Variants in TRDN observed in about 807,000 individuals in gnomAD.
TRDN encodes triadin in skeletal muscle.
TRDN carries 161 observed loss-of-function variants against 149.7 expected under a neutral mutation model. The observed-to-expected ratio is 1.08, with a 90% confidence interval of 0.95 to 1.23. The LOEUF is 1.23. Ranked by LOEUF, TRDN falls within the 50% of genes most tolerant of loss-of-function variation. The pLI is 0.00. For missense variants in TRDN, 896 were observed against 823.5 expected, an observed-to-expected ratio of 1.09 and a Z score of -1.08; for synonymous variants, 294 against 250.5, an observed-to-expected ratio of 1.17 and a Z score of -1.64.
chr6:123,585,261 C>T (rs562007329), intron 1 of TRDN, among the ~76,000 whole-genome samples: 5 of 151,634 alleles, frequency 3.3e-5, no homozygotes, highest in African/African-American at 7.3e-5. Flanking sequence ...TAAAGTGTCT[C>T]GGCCTAATAG....
intron 22 of TRDN, among the ~76,000 whole-genome samples, chr6:123,334,074 T>C (rs559930066): frequency 6.6e-6 from 1 of 152,048 alleles, no homozygotes; most frequent in Non-Finnish European, 1.5e-5. Context: ...TTAGTATCCA[T>C]GATGAAGTAC....
intron 9 of TRDN, chr6:123,469,699 G>C (rs1777041478): frequency 6.5e-6 from 1 of 152,770 alleles, no homozygotes. Flanking sequence ...CAGTGTGAAA[G>C]AGGCCTGGAT....
chr6:123,558,386 C>G (rs1165116785), intron 2 of TRDN, among the ~76,000 whole-genome samples: 3 of 152,122 alleles, frequency 2.0e-5, no homozygotes, highest in African/African-American at 7.2e-5. Context: ...CACACCCGGT[C>G]CGGCTTACAG....
intron 1 of TRDN, among the ~76,000 whole-genome samples, chr6:123,626,201 G>C (rs1449065104): frequency 6.6e-6 from 1 of 152,040 alleles, no homozygotes; most frequent in Non-Finnish European, 1.5e-5. Context: ...CACCTCCTAG[G>C]CCAGGCATGG....
intron 21 of TRDN, among the ~76,000 whole-genome samples, chr6:123,347,007 A>C (rs959888072): frequency 6.6e-6 from 1 of 151,992 alleles, no homozygotes; most frequent in South Asian, 2.1e-4. Context: ...AAACATAAGA[A>C]TACCATGGAG....
chr6:123,476,261 A>C (rs1324909471), intron 9 of TRDN, among the ~76,000 whole-genome samples: 2 of 35,016 alleles, frequency 5.7e-5, no homozygotes, highest in Admixed American at 3.1e-4. Context: ...CTTATACACC[A>C]ACAACAGACA....
At chr6:123,602,347 T>C (rs1157647091) in intron 1 of TRDN, among the ~76,000 whole-genome samples, 1 of 152,046 alleles carries the variant, frequency 6.6e-6, no homozygotes, top group Middle Eastern at 3.2e-3. Flanking sequence ...AAATATCATA[T>C]GTTCTCACTT....
intron 19 of TRDN, among the ~76,000 whole-genome samples, chr6:123,367,866 C>A (rs1781175456): frequency 6.6e-6 from 1 of 152,190 alleles, no homozygotes; most frequent in Non-Finnish European, 1.5e-5. Context: ...ACTATTCCTA[C>A]TGTGAGTCCC....
chr6:123,376,886 C>G (rs530477339), intron 18 of TRDN, among the ~76,000 whole-genome samples: 3 of 150,878 alleles, frequency 2.0e-5, no homozygotes, highest in African/African-American at 7.3e-5. Flanking sequence ...ATCACCCATA[C>G]ACACACACAC....
chr6:123,296,930 T>C (rs960995075), intron 24 of TRDN, among the ~76,000 whole-genome samples: 2 of 152,084 alleles, frequency 1.3e-5, no homozygotes, highest in East Asian at 3.9e-4. Context: ...AAAATTTTGC[T>C]TCATGTCAGG....
intron 23 of TRDN, 73 bp from the exon 24 acceptor site, chr6:123,316,568 A>G (rs2114699748): frequency 7.5e-7 from 1 of 1,333,258 alleles, no homozygotes; most frequent in East Asian, 2.3e-5. Flanking sequence ...TAGTCAGTAC[A>G]AAGTGGATTA....
At chr6:123,566,365 C>G (rs1337527413) in intron 2 of TRDN, among the ~76,000 whole-genome samples, 1 of 152,086 alleles carries the variant, frequency 6.6e-6, no homozygotes, top group African/African-American at 2.4e-5. Flanking sequence ...AAATGAACCA[C>G]AAATAAAAGC....
At chr6:123,423,724 C>G (rs1303209876) in intron 12 of TRDN, among the ~76,000 whole-genome samples, 2 of 152,072 alleles carry the variant, frequency 1.3e-5, no homozygotes, top group Admixed American at 1.3e-4. Flanking sequence ...TCTTGAAATA[C>G]CTTTAAACTT....
At chr6:123,536,837 T>C (rs1418672801) in intron 4 of TRDN, among the ~76,000 whole-genome samples, 2 of 152,040 alleles carry the variant, frequency 1.3e-5, no homozygotes, top group Non-Finnish European at 2.9e-5. Flanking sequence ...TGAGCCATGA[T>C]GGTGACACTG....
chr6:123,265,000 AC>A (rs1378056705), intron 33 of TRDN, among the ~76,000 whole-genome samples: 1 of 151,928 alleles, frequency 6.6e-6, no homozygotes, highest in Non-Finnish European at 1.5e-5. Flanking sequence ...AACCTGCAAT[AC>A]CCCCGAGGTA....
chr6:123,610,922 T>C (rs1408921209), intron 1 of TRDN, among the ~76,000 whole-genome samples: 3 of 152,140 alleles, frequency 2.0e-5, no homozygotes. Context: ...GGCCCCAAAG[T>C]AGAAGACCCA....
At chr6:123,576,913 T>A (rs996164588) in intron 1 of TRDN, among the ~76,000 whole-genome samples, 8 of 151,928 alleles carry the variant, frequency 5.3e-5, no homozygotes, top group Non-Finnish European at 5.9e-5. Context: ...TCAGGAGACA[T>A]GTGACATCAG....
At chr6:123,508,410 A>G (rs1241343746) in intron 7 of TRDN, among the ~76,000 whole-genome samples, 1 of 152,158 alleles carries the variant, frequency 6.6e-6, no homozygotes, top group Non-Finnish European at 1.5e-5. Flanking sequence ...TACATGAACC[A>G]TGTGAAAGCG....
chr6:123,561,552 C>G (rs1415730732), intron 2 of TRDN, among the ~76,000 whole-genome samples: 2 of 151,712 alleles, frequency 1.3e-5, no homozygotes, highest in African/African-American at 2.4e-5. Context: ...AGCTCACCAA[C>G]CAAGCAAGTA....
Sources: allele counts gnomAD v4.1 joint callset (sites outside exome capture counted in the v4.1 genomes callset), GRCh38; gene constraint gnomAD v4.1.1; transcripts MANE v1.5; gene names NCBI Gene and HGNC (gene_info 2026-07-23, HGNC 2026-07-21).